HNF4G: variants seen among roughly 807,000 people sequenced by gnomAD.
HNF4G encodes the protein hepatocyte nuclear factor 4 gamma, also known as hepatocyte nuclear factor 4-gamma.
HNF4G carries 21 observed loss-of-function variants against 50.9 expected under a neutral mutation model. The ratio of observed to expected loss-of-function variants is 0.41; its 90% CI spans 0.29 to 0.59. The LOEUF (loss-of-function observed/expected upper bound fraction) is 0.59, where lower values mean the gene tolerates loss of function less well. Ranked by LOEUF, HNF4G falls within the 20% of genes least tolerant of loss-of-function variation. The pLI is 0.26. For missense variants in HNF4G, 527 were observed against 559.4 expected, an observed-to-expected ratio of 0.94 and a Z score of 0.58; for synonymous variants, 198 against 185.6, an observed-to-expected ratio of 1.07 and a Z score of -0.54.
At chr8:75,494,168 G>A (rs1376103739) in intron 2 of HNF4G, among the ~76,000 whole-genome samples, 6 of 152,062 alleles carry the variant, frequency 3.9e-5, no homozygotes, top group Admixed American at 6.6e-5. Flanking sequence ...TTCCTGCAAA[G>A]AGAAGACAGT....
rs77819974 is a variant in HNF4G, at chr8:75,412,194, T to C, written c.-144+4032T>C. On this transcript the variant is annotated intron_variant, in intron 1 of 10. Transcript: ENST00000354370. ...AATAAGAAAGAGAGTCTCTAATTTC[T>C]TGGAGCTTTCAGCTAAGCAGTGTAG... is the stretch of plus-strand genomic sequence containing the variant. Among the ~76,000 whole-genome samples the C allele has an allele frequency of 0.01, 1,592 of 152,342 alleles. 62 individuals are homozygous for C. The East Asian group carries it at 0.14, about 13-fold the overall frequency.
rs77803384 is a variant in HNF4G at position 75,464,759 on chromosome 8, A to G, written c.-143-25330A>G. Among the ~76,000 whole-genome samples the G allele has an allele frequency of 2.0e-3, 298 of 152,310 alleles. 8 individuals carry two copies. The East Asian group carries it at 0.052, about 27-fold the overall frequency. The stretch of plus-strand genomic sequence containing the variant: ...CTGCTTTCTAATTCCTCTCATTTAG[A>G]TCATGGGACATGAGGCTGCCCTTAT... On this transcript the variant is annotated intron_variant, in intron 1 of 10. Coordinates refer to the HNF4G transcript ENST00000354370.
At chr8:75,467,310 G>A (rs1045779052) in intron 1 of HNF4G, among the ~76,000 whole-genome samples, 1 of 152,118 alleles carries the variant, frequency 6.6e-6, no homozygotes. Flanking sequence ...CCATTTCACT[G>A]GAATGGCCAC....
chr8:75,499,764 A>G (rs12680737), intron 2 of HNF4G, among the ~76,000 whole-genome samples: 36,955 of 151,860 alleles, frequency 0.24, 4,768 homozygotes, highest in South Asian at 0.31. Flanking sequence ...GATTTTGACA[A>G]GGGCACCAAG....
chr8:75,559,280 T>G (rs75327874), intron 8 of HNF4G, among the ~76,000 whole-genome samples: 8 of 104,814 alleles, frequency 7.6e-5, no homozygotes, highest in South Asian at 2.9e-4. Flanking sequence ...TTTGTTTGTT[T>G]TTTTTTTTTT....
chr8:75,428,595 T>C (rs1810938542), intron 1 of HNF4G, among the ~76,000 whole-genome samples: 1 of 152,118 alleles, frequency 6.6e-6, no homozygotes, highest in African/African-American at 2.4e-5. Context: ...TGAGCTGATA[T>C]CTAAATGATG....
rs369700596 is a variant in HNF4G at position 75,560,370 on chromosome 8, C to T, written c.1150C>T (p.His384Tyr). 1.9e-6 allele frequency: 3 copies of T among 1,613,358 alleles called. No homozygotes were observed. Among genetic ancestry groups the T allele is most frequent in the African/African-American group, 2.7e-5 (2 of 75,010 alleles). ...GGCTTCCAATGATGGCAGTCATCTC[C>T]ATCATCCAATGCATCCACATTTGTC... ...GGASNDGSHL[H>Y]HPMHPHLSQD... The change falls in exon 9 of 10, where the codon CAT becomes TAT. Residue 384 changes from histidine to tyrosine, a missense_variant. Around this residue, in one of 5 missense-constraint regions of HNF4G, gnomAD observed 308 missense variants for 301.5 expected, o/e 1.02. Coordinates refer to ENST00000396423, the MANE Select transcript of HNF4G (RefSeq NM_004133.5).
intron 1 of HNF4G, among the ~76,000 whole-genome samples, chr8:75,448,426 TAAA>T (rs71567113): frequency 8.5e-5 from 1 of 11,736 alleles, no homozygotes; most frequent in Non-Finnish European, 1.6e-4. Flanking sequence ...ACTTAAAGTA[TAAA>T]AAAAAAAAAA....
At position 75,494,778 on chromosome 8, in the gene HNF4G, C is replaced by G. The variant is rs146519126; in HGVS notation, c.-24+4570C>G. ...AATAGCATATGTAGAAATAAACATG[C>G]ACTAAAATTATACATTTTATACAAT... On this transcript the variant is annotated intron_variant, in intron 2 of 10. Coordinates refer to the HNF4G transcript ENST00000354370. Among the ~76,000 whole-genome samples, 600 of 151,684 alleles carry G rather than the reference C, an allele frequency of 4.0e-3. 6 individuals carry two copies. The highest frequency in any genetic ancestry group is 0.014 in the African/African-American group (581 of 41,434).
At chr8:75,544,009 T>C in intron 2 of HNF4G, 30 bp downstream of exon 2, 6 of 1,541,394 alleles carry the variant, frequency 3.9e-6, no homozygotes, top group Non-Finnish European at 4.4e-6. Flanking sequence ...AGGCAAGTTA[T>C]CTTTACAGAT....
intron 9 of HNF4G, among the ~76,000 whole-genome samples, chr8:75,561,608 A>G (rs1807314495): frequency 6.6e-6 from 1 of 152,168 alleles, no homozygotes; most frequent in African/African-American, 2.4e-5. Flanking sequence ...CATAAAGCAC[A>G]TCTGTTATTT....
rs180775525 is a variant in HNF4G, at chr8:75,439,340, T to A, written c.-144+31178T>A. On this transcript the variant is annotated intron_variant, in intron 1 of 10. Transcript: ENST00000354370. ...TTAATTTATAGTTAAATGATGAATTTTTTACATGTCTGCATTTTGATGAAA... is the reference window on the plus strand; with the variant it reads ...TTAATTTATAGTTAAATGATGAATTATTTACATGTCTGCATTTTGATGAAA... Among the ~76,000 whole-genome samples, 6 of 152,164 alleles carry A rather than the reference T, an allele frequency of 3.9e-5. No homozygotes were observed. In the East Asian group the frequency reaches 9.6e-4, roughly 24 times the overall value.
chr8:75,448,671 T>A (rs1348946326), intron 1 of HNF4G, among the ~76,000 whole-genome samples: 1 of 151,860 alleles, frequency 6.6e-6, no homozygotes, highest in Non-Finnish European at 1.5e-5. Context: ...AATGAAAAAT[T>A]ATAAGTGAAA....
chr8:75,560,713 A>G (rs1264401215), intron 9 of HNF4G, among the ~76,000 whole-genome samples: 1 of 152,176 alleles, frequency 6.6e-6, no homozygotes, highest in Non-Finnish European at 1.5e-5. Context: ...ACAAAAGAGT[A>G]TACAAGTAGT....
At chr8:75,537,410 G>GT (rs1222732676), upstream of HNF4G, among the ~76,000 whole-genome samples, 5 of 151,880 alleles carry the variant, frequency 3.3e-5, no homozygotes, top group East Asian at 1.9e-4. Context: ...CGCCTGTCTA[G>GT]TTTTTTTGTA....
intron 1 of HNF4G, among the ~76,000 whole-genome samples, chr8:75,428,178 G>T (rs1042252689): frequency 7.9e-5 from 12 of 152,128 alleles, no homozygotes; most frequent in Non-Finnish European, 1.6e-4. Context: ...TCAGGTTAAT[G>T]CTGCATCATT....
intron 2 of HNF4G, among the ~76,000 whole-genome samples, chr8:75,496,504 A>G (rs936421875): frequency 6.6e-6 from 1 of 151,974 alleles, no homozygotes; most frequent in Non-Finnish European, 1.5e-5. Flanking sequence ...GGCATTTTCA[A>G]ACTCCTAGTT....
intron 2 of HNF4G, among the ~76,000 whole-genome samples, chr8:75,495,801 T>A (rs1191569560): frequency 1.3e-5 from 2 of 152,050 alleles, no homozygotes; most frequent in Non-Finnish European, 2.9e-5. Flanking sequence ...GCACTTTTAA[T>A]TTTGTATAAT....
chr8:75,513,691 T>A (rs1360091000), intron 2 of HNF4G, among the ~76,000 whole-genome samples: 1 of 152,078 alleles, frequency 6.6e-6, no homozygotes, highest in Non-Finnish European at 1.5e-5. Context: ...TAAATTGTAC[T>A]TGAGACTAAA....
Sources: gnomAD v4.1 joint callset for allele counts (sites outside exome capture counted in the v4.1 genomes callset) on GRCh38, gnomAD v4.1.1 for gene constraint, gnomAD v4.1.1 regional missense constraint, MANE v1.5 for transcripts, NCBI Gene and HGNC (gene_info 2026-07-23, HGNC 2026-07-21) for gene names.